TCF4: variants seen among roughly 807,000 people sequenced by gnomAD.
The protein encoded by TCF4 is transcription factor 4, also known as SL3-3 enhancer factor 2.
TCF4 carries 3 observed loss-of-function variants against 82.1 expected under a neutral mutation model. The observed-to-expected ratio is 0.04, with a 90% CI of 0.02 to 0.09. The LOEUF (loss-of-function observed/expected upper bound fraction) is 0.09. Among genes scored for constraint, TCF4 ranks in the 10% least tolerant of loss-of-function variants. The pLI is 1.00. For synonymous variants in TCF4, 276 were observed against 309.6 expected (o/e 0.89, Z 1.14); for missense variants, 518 against 852.7 (o/e 0.61, Z 4.89).
intron 3 of TCF4, among the ~76,000 whole-genome samples, chr18:55,500,769 T>C (rs2096689381): frequency 6.6e-6 from 1 of 152,208 alleles, no homozygotes; most frequent in African/African-American, 2.4e-5. Context: ...AAAGCATATG[T>C]TAGAGTTAGC....
At chr18:55,569,182 T>A (rs1320304111) in intron 3 of TCF4, among the ~76,000 whole-genome samples, 5 of 149,776 alleles carry the variant, frequency 3.3e-5, no homozygotes, top group African/African-American at 9.9e-5. Flanking sequence ...TTTAACAGTG[T>A]ACTTAAGGTC....
chr18:55,551,295 T>C (rs144889571), intron 3 of TCF4: 5 of 152,462 alleles, frequency 3.3e-5, no homozygotes, highest in Admixed American at 6.5e-5. Context: ...TCCTGCTGCA[T>C]GCTGTGGCTC....
intron 3 of TCF4, among the ~76,000 whole-genome samples, chr18:55,519,188 T>C (rs1256140190): frequency 2.0e-5 from 3 of 152,054 alleles, no homozygotes; most frequent in African/African-American, 4.8e-5. Flanking sequence ...TCCCAAAACT[T>C]TGGGAGGCCC....
At chr18:55,613,506 G>C (rs1014062443) in intron 2 of TCF4, among the ~76,000 whole-genome samples, 1 of 152,082 alleles carries the variant, frequency 6.6e-6, no homozygotes, top group Non-Finnish European at 1.5e-5. Context: ...GTATTAGTCT[G>C]TTCTCACACT....
At chr18:55,371,603 A>G (rs1362802054) in intron 6 of TCF4, among the ~76,000 whole-genome samples, 1 of 152,086 alleles carries the variant, frequency 6.6e-6, no homozygotes, top group Non-Finnish European at 1.5e-5. Flanking sequence ...ACTAGATACC[A>G]AGAGCACAGC....
Position 55,222,834 on chromosome 18 carries a change from T to A in TCF4, c.*5201A>T, listed in dbSNP as rs887614398. The A allele has an allele frequency of 2.0e-5, 3 of 152,662 alleles. No individual in the cohort carries two copies. Among genetic ancestry groups the A allele is most frequent in the Admixed American group, 6.5e-5 (1 of 15,280 alleles). The allele number at this position is 152,662 out of a possible 1,614,324, so 9.5% of individuals were successfully genotyped here. On this transcript the variant is annotated 3_prime_UTR_variant, in exon 20 of 20. Coordinates refer to ENST00000354452, the MANE Select transcript of TCF4 (RefSeq NM_001083962.2). ...GTACATTTTTTTCCTTCCATGATAG[T>A]TGACACACGTCAGTTTGTACAAGTT... is the stretch of plus-strand genomic sequence containing the variant.
intron 6 of TCF4, among the ~76,000 whole-genome samples, chr18:55,354,593 A>T (rs1473335451): frequency 6.6e-6 from 1 of 152,184 alleles, no homozygotes; most frequent in Non-Finnish European, 1.5e-5. Flanking sequence ...AGCTTAAATT[A>T]TCAACTTTTT....
At chr18:55,362,420 AGG>A (rs2085638311) in intron 6 of TCF4, among the ~76,000 whole-genome samples, 1 of 139,582 alleles carries the variant, frequency 7.2e-6, no homozygotes, top group African/African-American at 2.7e-5. Context: ...GAAGGAAGGA[AGG>A]AAGGAAGGAA....
chr18:55,438,182 C>T (rs1200056511), intron 5 of TCF4, among the ~76,000 whole-genome samples: 3 of 141,666 alleles, frequency 2.1e-5, no homozygotes, highest in Non-Finnish European at 3.0e-5. Context: ...GCCTGAGTGA[C>T]GGAGTGAGAC....
chr18:55,591,326 A>G (rs1177248129), upstream of TCF4: 2 of 152,238 alleles, frequency 1.3e-5, no homozygotes, highest in Non-Finnish European at 2.9e-5. Flanking sequence ...AGATGATGTA[A>G]TGAAAAGATC....
At chr18:55,596,748 A>G (rs1254412954) in intron 2 of TCF4, among the ~76,000 whole-genome samples, 2 of 152,230 alleles carry the variant, frequency 1.3e-5, no homozygotes, top group Non-Finnish European at 2.9e-5. Context: ...AACTTGCATC[A>G]TAACAAGAGT....
chr18:55,380,834 G>A (rs1316576159), intron 6 of TCF4, among the ~76,000 whole-genome samples: 3 of 152,180 alleles, frequency 2.0e-5, no homozygotes, highest in African/African-American at 7.2e-5. Context: ...CAGATTGTGA[G>A]TCAGTTTTAG....
intron 8 of TCF4, among the ~76,000 whole-genome samples, chr18:55,323,609 T>C (rs1487641806): frequency 1.3e-5 from 2 of 152,206 alleles, no homozygotes; most frequent in Non-Finnish European, 2.9e-5. Flanking sequence ...ATTTCATGCT[T>C]TGAGGATTTT....
intron 8 of TCF4, among the ~76,000 whole-genome samples, chr18:55,324,777 G>A (rs1477172635): frequency 1.3e-5 from 2 of 152,042 alleles, no homozygotes; most frequent in African/African-American, 2.4e-5. Flanking sequence ...CTGGTGCTTA[G>A]ACAAAGCACT....
chr18:55,248,374 A>G (rs2053956298), intron 15 of TCF4, among the ~76,000 whole-genome samples: 1 of 152,210 alleles, frequency 6.6e-6, no homozygotes, highest in African/African-American at 2.4e-5. Context: ...TATTTTATCA[A>G]CTTTATCAAC....
intron 3 of TCF4, among the ~76,000 whole-genome samples, chr18:55,467,047 G>A (rs2096042173): frequency 6.6e-6 from 1 of 151,976 alleles, no homozygotes; most frequent in African/African-American, 2.4e-5. Flanking sequence ...TTGGTCTCCT[G>A]CTGGATCTCA....
chr18:55,494,829 A>G (rs2096615824), intron 3 of TCF4, among the ~76,000 whole-genome samples: 2 of 152,218 alleles, frequency 1.3e-5, no homozygotes, highest in African/African-American at 4.8e-5. Context: ...AAGGAAAGAG[A>G]TAATAAACTA....
At chr18:55,601,513 G>A (rs1442965516) in intron 2 of TCF4, among the ~76,000 whole-genome samples, 5 of 151,960 alleles carry the variant, frequency 3.3e-5, no homozygotes, top group African/African-American at 1.2e-4. Flanking sequence ...GCTGGGTGCG[G>A]TGGCTCACGC....
intron 3 of TCF4, among the ~76,000 whole-genome samples, chr18:55,474,683 A>G (rs924788513): frequency 2.0e-5 from 3 of 152,220 alleles, no homozygotes; most frequent in African/African-American, 7.2e-5. Context: ...TCAAGAAAAG[A>G]TCAAGGGTTG....
Sources: allele counts gnomAD v4.1 joint callset (sites outside exome capture counted in the v4.1 genomes callset), GRCh38; gene constraint gnomAD v4.1.1; transcripts MANE v1.5; gene names NCBI Gene and HGNC (gene_info 2026-07-23, HGNC 2026-07-21).